Variants in NME8 observed in about 807,000 individuals in gnomAD.
The protein encoded by NME8 is NME/NM23 family member 8.
NME8 carries 72 observed loss-of-function variants against 82.3 expected under a neutral mutation model. The observed-to-expected ratio is 0.87, with a 90% CI of 0.72 to 1.06. The LOEUF (loss-of-function observed/expected upper bound fraction) is 1.06, where lower values mean the gene tolerates loss of function less well. NME8 is among the 50% of genes least tolerant of loss of function. The pLI is 0.00. For synonymous variants in NME8, 267 were observed against 228.5 expected (o/e 1.17, Z -1.52); for missense variants, 712 against 685.4 (o/e 1.04, Z -0.43).
At position 37,894,621 on chromosome 7, in the gene NME8, G is replaced by A. The variant is rs1272484086; in HGVS notation, c.1544+11G>A. The A allele has an allele frequency of 3.2e-6, 5 of 1,575,650 alleles. No individual in the cohort carries two copies. Among genetic ancestry groups the A allele is most frequent in the Non-Finnish European group, 4.4e-6 (5 of 1,148,390 alleles). ...GGAAATGTTATCTGTGTAAGTTTCT[G>A]ATACATAATTGTTTGCATTATAAAA... is the stretch of plus-strand genomic sequence containing the variant. On this transcript the variant is annotated intron_variant, in intron 16 of 17. Transcript: ENST00000199447.
At chr7:37,863,646 G>A (rs553370296) in intron 8 of NME8, among the ~76,000 whole-genome samples, 184 bp downstream of exon 8, 2 of 152,192 alleles carry the variant, frequency 1.3e-5, no homozygotes, top group East Asian at 1.9e-4. Flanking sequence ...TTCCTCACTC[G>A]CCTTACCTTT....
At chr7:37,880,688 C>G (rs1784930638) in intron 12 of NME8, among the ~76,000 whole-genome samples, 4 of 152,114 alleles carry the variant, frequency 2.6e-5, no homozygotes, top group Admixed American at 6.5e-5. Context: ...ACTTGCTGGG[C>G]TTTTGGTTGG....
rs751539349 is a variant in NME8, at chr7:37,850,721, C to T, written c.184C>T (p.Leu62=). The T allele has an allele frequency of 6.2e-7, 1 of 1,610,466 alleles. No individual in the cohort carries two copies. Among genetic ancestry groups the T allele is most frequent in the Non-Finnish European group, 8.5e-7 (1 of 1,176,998 alleles). The change falls in exon 5 of 18, where the codon CTG becomes TTG. Residue 62 remains leucine (L), a synonymous_variant. Transcript: ENST00000199447. The stretch of plus-strand genomic sequence containing the variant: ...AAATGAACTGAACGAAGACGAAATT[C>T]TGCATTTTGCTGTCGTAAGAATTTT... ...LKNELNEDEI[L]HFAVAEADNI...
intron 12 of NME8, among the ~76,000 whole-genome samples, chr7:37,882,597 A>AAGAGAG (rs772102601): frequency 2.0e-3 from 170 of 83,036 alleles, no homozygotes; most frequent in South Asian, 4.6e-3. Flanking sequence ...GAAAGAAAGA[A>AAGAGAG]AGAGAGAGAG....
chr7:37,888,547 C>G (rs748186988), intron 15 of NME8, 119 bp downstream of exon 15: 2 of 835,546 alleles, frequency 2.4e-6, no homozygotes, highest in Non-Finnish European at 3.9e-6. Context: ...AGAAAAGTTG[C>G]GATGAGTACT....
At chr7:37,890,365 A>T (rs1057010530) in intron 15 of NME8, among the ~76,000 whole-genome samples, 1 of 152,014 alleles carries the variant, frequency 6.6e-6, no homozygotes, top group African/African-American at 2.4e-5. Context: ...ATGTTTTGAT[A>T]CATGTACACA....
intron 5 of NME8, among the ~76,000 whole-genome samples, chr7:37,855,039 A>AT (rs1280560504): frequency 6.6e-6 from 1 of 152,022 alleles, no homozygotes; most frequent in Non-Finnish European, 1.5e-5. Flanking sequence ...TAGCACTGAC[A>AT]TTTTTTCCAT....
chr7:37,899,444 G>A (rs574223926), intron 17 of NME8, among the ~76,000 whole-genome samples: 3 of 152,060 alleles, frequency 2.0e-5, no homozygotes, highest in South Asian at 2.1e-4. Context: ...ACCAAACACC[G>A]CATGTTCTCA....
chr7:37,862,473 C>A (rs371662318), intron 7 of NME8, among the ~76,000 whole-genome samples: 3 of 152,014 alleles, frequency 2.0e-5, no homozygotes, highest in Non-Finnish European at 4.4e-5. Flanking sequence ...AGTTAGGAAC[C>A]TTTGTCCTTC....
intron 7 of NME8, 85 bp downstream of exon 7, chr7:37,862,229 C>T: frequency 2.3e-6 from 2 of 863,706 alleles, no homozygotes; most frequent in Non-Finnish European, 4.0e-6. Flanking sequence ...GTGCTAGGTA[C>T]CTCTAAAGGC....
intron 12 of NME8, among the ~76,000 whole-genome samples, chr7:37,880,492 C>T (rs1411464653): frequency 6.6e-6 from 1 of 152,204 alleles, no homozygotes; most frequent in Non-Finnish European, 1.5e-5. Context: ...AACTTTATCA[C>T]AAACCAATTG....
At chr7:37,884,577 C>G in intron 13 of NME8, 130 bp downstream of exon 13, 1 of 748,256 alleles carries the variant, frequency 1.3e-6, no homozygotes. Flanking sequence ...TACTTCTCTA[C>G]CAGTCCTGCT....
At chr7:37,854,770 G>A (rs1266135571) in intron 5 of NME8, among the ~76,000 whole-genome samples, 1 of 150,642 alleles carries the variant, frequency 6.6e-6, no homozygotes, top group African/African-American at 2.4e-5. Flanking sequence ...CTCAGCTCTT[G>A]GATTTCTCCA....
intron 14 of NME8, among the ~76,000 whole-genome samples, chr7:37,887,468 A>G (rs950152411): frequency 1.8e-4 from 28 of 152,210 alleles, no homozygotes; most frequent in African/African-American, 6.3e-4. Context: ...CACACACCAT[A>G]TATTTCAAAG....
At chr7:37,865,702 A>G (rs1331792594) in intron 10 of NME8, 85 bp downstream of exon 10, 1 of 888,672 alleles carries the variant, frequency 1.1e-6, no homozygotes, top group East Asian at 2.6e-5. Context: ...CAGAAAAGCA[A>G]ATTAGTAAGT....
At chr7:37,864,533 T>C in intron 9 of NME8, 112 bp downstream of exon 9, 1 of 1,107,874 alleles carries the variant, frequency 9.0e-7, no homozygotes, top group Non-Finnish European at 1.3e-6. Context: ...AATGCACTAC[T>C]GGTGCTAGGT....
At chr7:37,861,033 C>T (rs919927492) in intron 6 of NME8, among the ~76,000 whole-genome samples, 5 of 152,330 alleles carry the variant, frequency 3.3e-5, no homozygotes, top group African/African-American at 9.6e-5. Flanking sequence ...ATCTCTCCAC[C>T]TCCACCTCTA....
rs150481216 is a variant in NME8, at chr7:37,863,905, G to A, written c.454+443G>A. Among the ~76,000 whole-genome samples the A allele has an allele frequency of 1.7e-3, 254 of 152,308 alleles. 1 individual carries two copies. Among genetic ancestry groups the A allele is most frequent in the African/African-American group, 5.9e-3 (244 of 41,570 alleles). On this transcript the variant is annotated intron_variant, in intron 8 of 17. Coordinates refer to ENST00000199447, the MANE Select transcript of NME8 (RefSeq NM_016616.5). ...ACTCTGGAGGGAGCAGAGGCAAACAGCCATAACCAAATGAGTTATCTTGCA... is the reference window on the plus strand; with the variant it reads ...ACTCTGGAGGGAGCAGAGGCAAACAACCATAACCAAATGAGTTATCTTGCA...
At chr7:37,873,370 A>AAAAG (rs1554364319) in intron 11 of NME8, among the ~76,000 whole-genome samples, 2 of 147,034 alleles carry the variant, frequency 1.4e-5, no homozygotes, top group Non-Finnish European at 3.0e-5. Flanking sequence ...AAAAAAAAAA[A>AAAAG]AAAAGAAAAG....
Sources: allele counts gnomAD v4.1 joint callset (sites outside exome capture counted in the v4.1 genomes callset), GRCh38; gene constraint gnomAD v4.1.1; transcripts MANE v1.5; gene names NCBI Gene and HGNC (gene_info 2026-07-23, HGNC 2026-07-21).